Variants in PDE1C observed in about 807,000 individuals in gnomAD.
PDE1C encodes phosphodiesterase 1C.
PDE1C carries 62 observed loss-of-function variants against 93.1 expected under a neutral mutation model. The ratio of observed to expected loss-of-function variants is 0.67; its 90% confidence interval spans 0.54 to 0.82. The LOEUF (loss-of-function observed/expected upper bound fraction) is 0.82, where lower values mean the gene tolerates loss of function less well. PDE1C is among the 40% of genes least tolerant of loss of function. PDE1C has a pLI of 0.00. For missense variants in PDE1C, 742 were observed against 884.6 expected (o/e 0.84, Z 2.04); for synonymous variants, 325 against 310.1 (o/e 1.05, Z -0.50).
At position 32,276,330 on chromosome 7, in the gene PDE1C, C is replaced by T. The variant is rs1183927107; in HGVS notation, c.85+22321G>A. ...GGATTTGAATGAGTGTGCATTTCTT[C>T]CTACCTAGATATTAATTGGTATGTA... is the stretch of plus-strand genomic sequence containing the variant. On this transcript the variant is annotated intron_variant, in intron 1 of 18. Transcript: ENST00000396193. Among the ~76,000 whole-genome samples, 3 of 152,122 alleles carry T rather than the reference C, an allele frequency of 2.0e-5. No homozygotes were observed. In the East Asian group the frequency reaches 5.8e-4, roughly 29 times the overall value.
chr7:32,401,060 T>C (rs1479614209), intron 1 of PDE1C, among the ~76,000 whole-genome samples: 1 of 152,258 alleles, frequency 6.6e-6, no homozygotes, highest in Non-Finnish European at 1.5e-5. Context: ...GTCATGGTCA[T>C]AACCTTCTTT....
intron 17 of PDE1C, among the ~76,000 whole-genome samples, chr7:31,754,458 A>G (rs767944971): frequency 3.9e-5 from 6 of 152,248 alleles, no homozygotes; most frequent in Non-Finnish European, 7.3e-5. Flanking sequence ...ATCTTTATTC[A>G]TAAGTGCCAA....
intron 3 of PDE1C, among the ~76,000 whole-genome samples, chr7:32,102,826 T>G (rs1168548818): frequency 6.6e-6 from 1 of 152,212 alleles, no homozygotes; most frequent in Admixed American, 6.5e-5. Flanking sequence ...TGGTTTATTA[T>G]GGGCATTTTG....
At chr7:32,276,944 C>T (rs2128890162) in intron 1 of PDE1C, among the ~76,000 whole-genome samples, 1 of 152,264 alleles carries the variant, frequency 6.6e-6, no homozygotes, top group East Asian at 1.9e-4. Context: ...AATCCCTATA[C>T]CCCATATCAC....
At chr7:31,666,597 T>C in the PDE1C span, among the ~76,000 whole-genome samples, 1 of 152,194 alleles carries the variant, frequency 6.6e-6, no homozygotes, top group African/African-American at 2.4e-5. Flanking sequence ...AATCAGTTGC[T>C]TTTTAAAGTC....
chr7:31,705,804 T>C, the PDE1C span, among the ~76,000 whole-genome samples: 10 of 151,248 alleles, frequency 6.6e-5, no homozygotes, highest in East Asian at 1.8e-3. Context: ...CTGGCTGGAG[T>C]GGGATGACAG....
At chr7:32,323,620 A>G (rs1192949738) in intron 1 of PDE1C, among the ~76,000 whole-genome samples, 1 of 152,208 alleles carries the variant, frequency 6.6e-6, no homozygotes, top group Non-Finnish European at 1.5e-5. Flanking sequence ...TGGAGATGTC[A>G]ACCACGGAAC....
intron 16 of PDE1C, among the ~76,000 whole-genome samples, chr7:31,803,847 G>A (rs1001748068): frequency 6.6e-6 from 1 of 151,924 alleles, no homozygotes; most frequent in African/African-American, 2.4e-5. Flanking sequence ...GAATAGTGCT[G>A]CTATAAACAT....
At chr7:31,811,240 G>C (rs1787510932) in intron 15 of PDE1C, among the ~76,000 whole-genome samples, 1 of 152,102 alleles carries the variant, frequency 6.6e-6, no homozygotes, top group Non-Finnish European at 1.5e-5. Flanking sequence ...CACCATGTAA[G>C]ATGTGCCTTT....
At chr7:31,695,547 T>C in the PDE1C span, 3 of 1,613,924 alleles carry the variant, frequency 1.9e-6, no homozygotes, top group African/African-American at 1.3e-5. Context: ...CAGGCCACCC[T>C]GAATGTTGAG....
At chr7:32,115,174 T>C (rs1280412172) in intron 3 of PDE1C, among the ~76,000 whole-genome samples, 2 of 152,174 alleles carry the variant, frequency 1.3e-5, no homozygotes, top group Admixed American at 6.5e-5. Context: ...CGTATGTTTA[T>C]TGCAGCACTA....
chr7:32,018,165 C>T (rs30555), intron 2 of PDE1C, among the ~76,000 whole-genome samples: 101,985 of 151,134 alleles, frequency 0.67, 34,923 homozygotes, highest in Middle Eastern at 0.77. Context: ...TAATAACAAG[C>T]GTTGGTGATT....
the PDE1C span, among the ~76,000 whole-genome samples, chr7:31,711,073 AT>A: frequency 1.3e-5 from 2 of 152,194 alleles, no homozygotes; most frequent in Non-Finnish European, 2.9e-5. Context: ...CTCCAAGGAA[AT>A]TGCAGAAGAC....
chr7:32,230,146 G>A (rs1807589249), intron 1 of PDE1C, among the ~76,000 whole-genome samples: 1 of 152,150 alleles, frequency 6.6e-6, no homozygotes, highest in Non-Finnish European at 1.5e-5. Context: ...GGCTCTCAAG[G>A]CAATCGTCAT....
At chr7:31,658,291 C>A in the PDE1C span, 2 of 1,502,494 alleles carry the variant, frequency 1.3e-6, no homozygotes, top group Non-Finnish European at 1.8e-6. Flanking sequence ...GTCTGCAGAG[C>A]TGGATCCCTT....
chr7:31,961,252 A>ATGTG (rs376293124), intron 2 of PDE1C, among the ~76,000 whole-genome samples: 1 of 151,368 alleles, frequency 6.6e-6, no homozygotes, highest in Non-Finnish European at 1.5e-5. Context: ...ATGTATATAT[A>ATGTG]TATATATATA....
At chr7:32,323,257 G>A (rs1188997564) in intron 1 of PDE1C, among the ~76,000 whole-genome samples, 1 of 152,168 alleles carries the variant, frequency 6.6e-6, no homozygotes, top group Non-Finnish European at 1.5e-5. Context: ...CCAAGTATTT[G>A]CAGATTTACT....
chr7:31,723,376 A>G, the PDE1C span, among the ~76,000 whole-genome samples: 19 of 152,118 alleles, frequency 1.2e-4, no homozygotes, highest in Non-Finnish European at 4.4e-5. Context: ...CTAGGAAACA[A>G]CTTTGGCCTA....
At chr7:31,633,059 G>T in the PDE1C span, among the ~76,000 whole-genome samples, 1 of 151,908 alleles carries the variant, frequency 6.6e-6, no homozygotes, top group Admixed American at 6.6e-5. Flanking sequence ...GCTAATTTTT[G>T]TATTTTTAGT....
Sources: allele counts gnomAD v4.1 joint callset (sites outside exome capture counted in the v4.1 genomes callset), GRCh38; gene constraint gnomAD v4.1.1; transcripts MANE v1.5; gene names NCBI Gene and HGNC (gene_info 2026-07-23, HGNC 2026-07-21).